PCDHGC3: variants seen among roughly 807,000 people sequenced by gnomAD.
PCDHGC3 encodes the protein protocadherin gamma subfamily C, 3.
In PCDHGC3, 26 loss-of-function variants were observed where a neutral mutation model predicts 59.2. The ratio of observed to expected loss-of-function variants is 0.44; its 90% CI spans 0.32 to 0.61. PCDHGC3 has a LOEUF of 0.61. Among genes scored for constraint, PCDHGC3 ranks in the 20% least tolerant of loss-of-function variants. The pLI is 0.05. For synonymous variants in PCDHGC3, 487 were observed against 519.7 expected (o/e 0.94, Z 0.86); for missense variants, 1,080 against 1,221.8 (o/e 0.88, Z 1.73).
rs200524415 is a variant in PCDHGC3, at chr5:141,487,436, G to C, written c.2431-7371G>C. 1 of 1,614,176 alleles carries C rather than the reference G, an allele frequency of 6.2e-7. No individual in the cohort carries two copies. Among genetic ancestry groups the C allele is most frequent in the East Asian group, 2.2e-5 (1 of 44,870 alleles). ...CAATGGGATCCTCCGAATCCAGCTAGGGTCAGATGACCCTATCAAGTTTGT... is the reference window on the plus strand; with the variant it reads ...CAATGGGATCCTCCGAATCCAGCTACGGTCAGATGACCCTATCAAGTTTGT... On this transcript the variant is annotated intron_variant, in intron 1 of 3. Coordinates refer to ENST00000308177, the MANE Select transcript of PCDHGC3 (RefSeq NM_002588.4). This position sits in a 1 kb window ranked among gnomAD's most constrained non-coding sequence, Gnocchi z 5.0.
At chr5:141,495,102 C>A (rs1344771035) in intron 2 of PCDHGC3, among the ~76,000 whole-genome samples, 3 of 152,160 alleles carry the variant, frequency 2.0e-5, no homozygotes, top group Non-Finnish European at 4.4e-5. Flanking sequence ...CTCGCCACGA[C>A]CGGCACCTTT....
chr5:141,483,009 C>T (rs538900128), intron 1 of PCDHGC3, among the ~76,000 whole-genome samples: 4 of 151,942 alleles, frequency 2.6e-5, no homozygotes, highest in Non-Finnish European at 5.9e-5. Flanking sequence ...TGCTTGAACC[C>T]GGGAGGCAGA....
chr5:141,485,503 C>T lies in PCDHGC3; in HGVS notation c.2430+6957C>T, dbSNP rs1057374827. The T allele has an allele frequency of 5.0e-6, 8 of 1,614,096 alleles. No homozygotes were observed. The highest frequency in any genetic ancestry group is 6.8e-6 in the Non-Finnish European group (8 of 1,180,008). On this transcript the variant is annotated intron_variant, in intron 1 of 3. Coordinates refer to ENST00000308177, the MANE Select transcript of PCDHGC3 (RefSeq NM_002588.4). This position sits in a 1 kb window ranked among gnomAD's most constrained non-coding sequence, Gnocchi z 5.7. ...GCATCGTGCCCCTGGAGTTTGTCAC[C>T]GAAGGTCCTTTGGAAATGTACCGAG...
Position 141,490,192 on chromosome 5 carries a change from A to C in PCDHGC3, c.2431-4615A>C. 1 of 1,614,182 alleles carries C rather than the reference A, an allele frequency of 6.2e-7. No homozygotes were observed. Among genetic ancestry groups the C allele is most frequent in the South Asian group, 1.1e-5 (1 of 91,082 alleles). On this transcript the variant is annotated intron_variant, in intron 1 of 3. Coordinates refer to ENST00000308177, the MANE Select transcript of PCDHGC3 (RefSeq NM_002588.4). The surrounding 1 kb of genome is among the most constrained non-coding windows in gnomAD (Gnocchi z 5.4). Reference sequence around the variant, plus strand: ...CTTTGAGGAGTCACGTTTCTATGAAATTCATGCAAGAGCCCGTGACCAGGG... The same window carrying C: ...CTTTGAGGAGTCACGTTTCTATGAACTTCATGCAAGAGCCCGTGACCAGGG...
rs765318875 is a variant in PCDHGC3 at position 141,489,896 on chromosome 5, C to A, written c.2431-4911C>A. On this transcript the variant is annotated intron_variant, in intron 1 of 3. Coordinates refer to ENST00000308177, the MANE Select transcript of PCDHGC3 (RefSeq NM_002588.4). This position sits in a 1 kb window ranked among gnomAD's most constrained non-coding sequence, Gnocchi z 4.5. ...GTGCTTACTGCTGTGGATGGGGGGA[C>A]CCCAGCCCGCTCAGGGACCACCCTT... 5 of 1,614,062 alleles carry A rather than the reference C, an allele frequency of 3.1e-6. No homozygotes were observed.
chr5:141,490,111 A>G lies in PCDHGC3; in HGVS notation c.2431-4696A>G. 6.2e-7 allele frequency: 1 copy of G among 1,614,244 alleles called. No individual in the cohort carries two copies. The highest frequency in any genetic ancestry group is 8.5e-7 in the Non-Finnish European group (1 of 1,180,042). On this transcript the variant is annotated intron_variant, in intron 1 of 3. Coordinates refer to ENST00000308177, the MANE Select transcript of PCDHGC3 (RefSeq NM_002588.4). The surrounding 1 kb of genome is among the most constrained non-coding windows in gnomAD (Gnocchi z 5.4). ...AGACCACACATCTGAGGCAGTGCGGAACCTCTTTGGCCTAGACCCTAGCAG... is the reference window on the plus strand; with the variant it reads ...AGACCACACATCTGAGGCAGTGCGGGACCTCTTTGGCCTAGACCCTAGCAG...
At chr5:141,478,639 A>G (rs377308663) in intron 1 of PCDHGC3, 93 bp downstream of exon 1, 168 of 1,552,322 alleles carry the variant, frequency 1.1e-4, no homozygotes, top group Non-Finnish European at 1.0e-4. Context: ...TTAGTGATGA[A>G]GATGTTTTCC....
In PCDHGC3 at chr5:141,478,136, C is replaced by G. The variant is rs529858044; in HGVS notation, c.2020C>G (p.Arg674Gly). 1.4e-4 allele frequency: 218 copies of G among 1,614,048 alleles called. 3 individuals are homozygous for G. The South Asian group carries it at 2.2e-3, about 17-fold the overall frequency. ...VSVTEDSPEA[R>G]AEFPSGSAPR... ...AGTAACCGAGGACTCTCCTGAAGCC[C>G]GAGCCGAGTTCCCCTCTGGCTCTGC... is the stretch of plus-strand genomic sequence containing the variant. Residue 674 changes from arginine to glycine, a missense_variant, in exon 1 of 4, where the codon CGA (arginine) becomes GGA (glycine). Coordinates refer to ENST00000308177, the MANE Select transcript of PCDHGC3 (RefSeq NM_002588.4).
At chr5:141,499,184 A>G (rs2099789986) in intron 2 of PCDHGC3, among the ~76,000 whole-genome samples, 1 of 151,726 alleles carries the variant, frequency 6.6e-6, no homozygotes, top group African/African-American at 2.4e-5. Context: ...CCAGCAAACC[A>G]TTTCCCCCTT....
intron 2 of PCDHGC3, among the ~76,000 whole-genome samples, chr5:141,495,703 GGAGT>G (rs2099763108): frequency 6.6e-6 from 1 of 152,098 alleles, no homozygotes; most frequent in South Asian, 2.1e-4. Context: ...CAATAAATGT[GGAGT>G]GAGTAACTAC....
chr5:141,511,403 A>C lies in PCDHGC3; in HGVS notation c.*230A>C. On this transcript the variant is annotated 3_prime_UTR_variant, in exon 4 of 4. Coordinates refer to ENST00000308177, the MANE Select transcript of PCDHGC3 (RefSeq NM_002588.4). Reference sequence around the variant, plus strand: ...TCCGCTGGGAACCCCCATCCAATCAACTGCTGTACCCATGGGGGTAGTGGG... The same window carrying C: ...TCCGCTGGGAACCCCCATCCAATCACCTGCTGTACCCATGGGGGTAGTGGG... 8.5e-6 allele frequency: 8 copies of C among 939,018 alleles called. No individual in the cohort carries two copies. The highest frequency in any genetic ancestry group is 1.2e-5 in the Non-Finnish European group (8 of 650,834). The allele number at this position is 939,018 out of a possible 1,614,324, so 58.2% of individuals were successfully genotyped here. A position where few individuals can be genotyped will look rare whatever the true frequency, so the allele number is the denominator to read the frequency against.
rs142703691 is a variant in PCDHGC3 at position 141,489,691 on chromosome 5, C to T, written c.2431-5116C>T. On this transcript the variant is annotated intron_variant, in intron 1 of 3. Transcript: ENST00000308177. The surrounding 1 kb of genome is among the most constrained non-coding windows in gnomAD (Gnocchi z 4.5). ...CTCAGAATCAGCAGCATCTGGGGCACGATTCCCACTGGACAGTGCCCAGGA... is the reference window on the plus strand; with the variant it reads ...CTCAGAATCAGCAGCATCTGGGGCATGATTCCCACTGGACAGTGCCCAGGA... 8.1e-6 allele frequency: 13 copies of T among 1,614,164 alleles called. No individual in the cohort carries two copies. The highest frequency in any genetic ancestry group is 3.3e-5 in the South Asian group (3 of 91,080).
rs766164142 is a variant in PCDHGC3, at chr5:141,477,910, G to T, written c.1794G>T (p.Ala598=). The part of the protein sequence containing the change: ...HLVSRVVGWD[A]DAGHNAWLSY... ...TGTCACGGGTGGTAGGCTGGGACGC[G>T]GATGCAGGGCACAATGCCTGGCTCT... Residue 598 remains alanine (A), a synonymous_variant, in exon 1 of 4, where the codon GCG becomes GCT. Transcript: ENST00000308177. This position sits in a 1 kb window ranked among gnomAD's most constrained non-coding sequence, Gnocchi z 4.9. The T allele has an allele frequency of 6.2e-7, 1 of 1,614,048 alleles. No individual in the cohort carries two copies. Among genetic ancestry groups the T allele is most frequent in the African/African-American group, 1.3e-5 (1 of 74,932 alleles).
chr5:141,487,857 T>A lies in PCDHGC3; in HGVS notation c.2431-6950T>A. Reference sequence around the variant, plus strand: ...TATCTGAGTAAGAAATGAAAGTAATTGGTGATCAAGAGCCAGGCTGTTGTG... The same window carrying A: ...TATCTGAGTAAGAAATGAAAGTAATAGGTGATCAAGAGCCAGGCTGTTGTG... On this transcript the variant is annotated intron_variant, in intron 1 of 3. Coordinates refer to ENST00000308177, the MANE Select transcript of PCDHGC3 (RefSeq NM_002588.4). The surrounding 1 kb of genome is among the most constrained non-coding windows in gnomAD (Gnocchi z 5.0). The A allele has an allele frequency of 1.0e-6, 1 of 964,674 alleles. No individual in the cohort carries two copies. Among genetic ancestry groups the A allele is most frequent in the Non-Finnish European group, 1.5e-6 (1 of 659,920 alleles). 59.8% of individuals were successfully genotyped at this position (964,674 alleles called of 1,614,324 possible). A position where few individuals can be genotyped will look rare whatever the true frequency, so the allele number is the denominator to read the frequency against.
At chr5:141,478,644 T>G in intron 1 of PCDHGC3, 98 bp downstream of exon 1, 1 of 1,552,238 alleles carries the variant, frequency 6.4e-7, no homozygotes, top group South Asian at 1.2e-5. Context: ...GATGAAGATG[T>G]TTTCCTGGTG....
intron 3 of PCDHGC3, among the ~76,000 whole-genome samples, chr5:141,508,742 C>A (rs955179947): frequency 2.0e-5 from 3 of 151,998 alleles, no homozygotes; most frequent in Admixed American, 6.6e-5. Context: ...CCCCCCACCC[C>A]GCTCTTTCTC....
intron 3 of PCDHGC3, among the ~76,000 whole-genome samples, chr5:141,509,262 ACT>A (rs761383166): frequency 9.2e-5 from 14 of 151,714 alleles, no homozygotes; most frequent in Non-Finnish European, 1.9e-4. Flanking sequence ...GGCTTTAGTC[ACT>A]CTCGCTACCC....
rs766474451 is a variant in PCDHGC3 at position 141,477,676 on chromosome 5, AT to A, written c.1561del (p.Ser521ProfsTer2). On this transcript the variant is annotated frameshift_variant, in exon 1 of 4. Coordinates refer to ENST00000308177, the MANE Select transcript of PCDHGC3 (RefSeq NM_002588.4). LOFTEE classifies it high-confidence loss of function. This position sits in a 1 kb window ranked among gnomAD's most constrained non-coding sequence, Gnocchi z 4.9. Reference protein sequence around the residue: ...TINRDNGIVSSLVPLDYEDRR... With the variant: ...TINRDNGIVSXLVPLDYEDRR... ...TAAATCGTGACAATGGCATAGTGTCATCCTTAGTGCCCCTAGACTATGAGGA... is the reference window on the plus strand; with the variant it reads ...TAAATCGTGACAATGGCATAGTGTCACCTTAGTGCCCCTAGACTATGAGGA... 6.2e-7 allele frequency: 1 copy of A among 1,614,194 alleles called. No homozygotes were observed. The highest frequency in any genetic ancestry group is 2.2e-5 in the East Asian group (1 of 44,886).
At chr5:141,478,670 C>T (rs1413742587) in intron 1 of PCDHGC3, 124 bp downstream of exon 1, 28 of 1,551,664 alleles carry the variant, frequency 1.8e-5, no homozygotes, top group Non-Finnish European at 2.4e-5. Flanking sequence ...TTCACACTTT[C>T]AACTGGCCCT....
Sources: gnomAD v4.1 joint callset for allele counts (sites outside exome capture counted in the v4.1 genomes callset) on GRCh38, gnomAD v4.1.1 for gene constraint, Gnocchi (gnomAD v3.1) non-coding constraint, MANE v1.5 for transcripts, NCBI Gene and HGNC (gene_info 2026-07-23, HGNC 2026-07-21) for gene names.